Variants in CLNK observed in about 807,000 individuals in gnomAD.
CLNK encodes the protein cytokine-dependent hematopoietic cell linker.
A neutral mutation model predicts 68.6 loss-of-function variants in CLNK; 74 were observed. That is an observed-to-expected ratio of 1.08 (90% CI 0.89 to 1.31). CLNK has a LOEUF of 1.31. Among genes scored for constraint, CLNK ranks in the 50% most tolerant of loss-of-function variants. The pLI, the probability that CLNK is intolerant of heterozygous loss-of-function variation, is 0.00. For missense variants in CLNK, 553 were observed against 515.3 expected (o/e 1.07, Z -0.71); for synonymous variants, 198 against 172.2 (o/e 1.15, Z -1.17).
At chr4:10,626,835 C>T (rs1156744801) in intron 2 of CLNK, among the ~76,000 whole-genome samples, 1 of 152,176 alleles carries the variant, frequency 6.6e-6, no homozygotes, top group African/African-American at 2.4e-5. Flanking sequence ...ATGCCACGTG[C>T]TTTATGCTTC....
At chr4:10,699,494 C>CTATATATATATATATATA in the CLNK span, among the ~76,000 whole-genome samples, 5 of 56,988 alleles carry the variant, frequency 8.8e-5, no homozygotes, top group African/African-American at 3.6e-4. Flanking sequence ...CTCTCTCTCT[C>CTATATATATATATATATA]TATATATATA....
At chr4:10,690,146 C>T in the CLNK span, among the ~76,000 whole-genome samples, 3 of 152,220 alleles carry the variant, frequency 2.0e-5, no homozygotes, top group South Asian at 2.1e-4. Flanking sequence ...AGTAAATAAA[C>T]ACGGTTGGCA....
In CLNK at chr4:10,681,900, A is replaced by C. The variant is rs375406955; in HGVS notation, c.-43+2768T>G. 2.6e-5 allele frequency among the ~76,000 whole-genome samples: 4 copies of C among 152,326 alleles called. No homozygotes were observed. The East Asian group carries it at 7.7e-4, about 29-fold the overall frequency. On this transcript the variant is annotated intron_variant, in intron 1 of 18. Coordinates refer to ENST00000226951, the MANE Select transcript of CLNK (RefSeq NM_052964.4). ...TCAGAATCCGTTTTGTAAAGTAAGAATTAAGTACACCTACTTAAAAAGTGA... is the reference window on the plus strand; with the variant it reads ...TCAGAATCCGTTTTGTAAAGTAAGACTTAAGTACACCTACTTAAAAAGTGA...
chr4:10,732,542 C>T, the CLNK span, among the ~76,000 whole-genome samples: 1 of 152,136 alleles, frequency 6.6e-6, no homozygotes, highest in East Asian at 1.9e-4. Context: ...AGTAAACACC[C>T]AAGGACAGGG....
At chr4:10,706,596 T>A in the CLNK span, among the ~76,000 whole-genome samples, 5 of 152,228 alleles carry the variant, frequency 3.3e-5, no homozygotes, top group Non-Finnish European at 5.9e-5. Context: ...GTCATCTGCA[T>A]ACATCTCCTA....
intron 1 of CLNK, among the ~76,000 whole-genome samples, chr4:10,677,467 T>C (rs566896797): frequency 1.3e-5 from 2 of 151,412 alleles, no homozygotes; most frequent in Admixed American, 6.6e-5. Flanking sequence ...CAACTTAGAG[T>C]AGTAGTAATA....
At chr4:10,665,182 G>A (rs1163945552) in intron 2 of CLNK, among the ~76,000 whole-genome samples, 2 of 152,318 alleles carry the variant, frequency 1.3e-5, no homozygotes, top group South Asian at 2.1e-4. Context: ...TCTGGCCTAC[G>A]CATTGCCAGC....
At chr4:10,726,013 C>G in the CLNK span, among the ~76,000 whole-genome samples, 7 of 152,152 alleles carry the variant, frequency 4.6e-5, no homozygotes, top group African/African-American at 1.7e-4. Context: ...GGACCAGAGG[C>G]TGTGAGCAAG....
intron 4 of CLNK, among the ~76,000 whole-genome samples, chr4:10,576,366 G>C (rs1720565065): frequency 6.6e-6 from 1 of 152,186 alleles, no homozygotes; most frequent in Non-Finnish European, 1.5e-5. Flanking sequence ...CGTGTTGCAT[G>C]GATGTGTGGA....
intron 11 of CLNK, among the ~76,000 whole-genome samples, chr4:10,533,738 A>G (rs1718640495): frequency 6.6e-6 from 1 of 152,224 alleles, no homozygotes; most frequent in Non-Finnish European, 1.5e-5. Context: ...AATGTTTAAG[A>G]AGCCAGTGTA....
At chr4:10,691,374 A>G in the CLNK span, among the ~76,000 whole-genome samples, 1 of 152,166 alleles carries the variant, frequency 6.6e-6, no homozygotes, top group Admixed American at 6.5e-5. Context: ...TGATAGTCTA[A>G]TCCTCACATT....
intron 15 of CLNK, among the ~76,000 whole-genome samples, chr4:10,520,125 G>A (rs1717998489): frequency 6.6e-6 from 1 of 152,032 alleles, no homozygotes; most frequent in African/African-American, 2.4e-5. Context: ...GTGAAAAAAG[G>A]AAAGACAAAT....
intron 16 of CLNK, among the ~76,000 whole-genome samples, chr4:10,509,588 G>A (rs1388089119): frequency 1.3e-5 from 2 of 150,600 alleles, no homozygotes; most frequent in Non-Finnish European, 2.9e-5. Flanking sequence ...GCAATGGCAC[G>A]ATCTCAGCTC....
At chr4:10,620,466 A>T (rs952809334) in intron 2 of CLNK, among the ~76,000 whole-genome samples, 2 of 151,916 alleles carry the variant, frequency 1.3e-5, no homozygotes, top group Non-Finnish European at 2.9e-5. Flanking sequence ...ACTCAGTAGG[A>T]CTCCCTCTAA....
rs144620893 is a variant in CLNK, at chr4:10,607,372, G to A, written c.12-9323C>T. ...CAGTGGGTCTTGTTATCTATCATTT[G>A]GCCATAGTACAATCTCTCTCCTGAT... On this transcript the variant is annotated intron_variant, in intron 2 of 18. Transcript: ENST00000226951. Among the ~76,000 whole-genome samples, 13 of 152,266 alleles carry A rather than the reference G, an allele frequency of 8.5e-5. No individual in the cohort carries two copies. The East Asian group carries it at 2.5e-3, about 29-fold the overall frequency.
intron 3 of CLNK, among the ~76,000 whole-genome samples, chr4:10,592,138 A>G (rs1721202082): frequency 6.6e-6 from 1 of 152,238 alleles, no homozygotes; most frequent in Non-Finnish European, 1.5e-5. Flanking sequence ...GGACGATGAC[A>G]TATAATTATT....
chr4:10,608,330 G>T (rs1028187702), intron 2 of CLNK, among the ~76,000 whole-genome samples: 3 of 152,324 alleles, frequency 2.0e-5, no homozygotes, highest in Middle Eastern at 3.4e-3. Flanking sequence ...TCCTCGGCCT[G>T]CTAGGCCCAT....
intron 2 of CLNK, among the ~76,000 whole-genome samples, chr4:10,623,883 C>T (rs1722555095): frequency 1.3e-5 from 2 of 152,272 alleles, no homozygotes; most frequent in South Asian, 4.2e-4. Context: ...TTCTCTTAAA[C>T]GGTAAGAAAT....
At chr4:10,622,658 T>C (rs1264868919) in intron 2 of CLNK, among the ~76,000 whole-genome samples, 3 of 152,214 alleles carry the variant, frequency 2.0e-5, no homozygotes, top group Non-Finnish European at 2.9e-5. Context: ...TACAAATGCA[T>C]ACCAAATTCA....
Sources: gnomAD v4.1 joint callset for allele counts (sites outside exome capture counted in the v4.1 genomes callset) on GRCh38, gnomAD v4.1.1 for gene constraint, MANE v1.5 for transcripts, NCBI Gene and HGNC (gene_info 2026-07-23, HGNC 2026-07-21) for gene names.